ARHGAP24: variants seen among roughly 807,000 people sequenced by gnomAD.
ARHGAP24 encodes the protein Rho GTPase activating protein 24.
A neutral mutation model predicts 76.4 loss-of-function variants in ARHGAP24; 50 were observed. That is an observed-to-expected ratio of 0.65 (90% CI 0.52 to 0.83). The LOEUF is 0.83. ARHGAP24 is among the 40% of genes least tolerant of loss of function. ARHGAP24 has a pLI of 0.00. For missense variants in ARHGAP24, 930 were observed against 914.2 expected (o/e 1.02, Z -0.22); for synonymous variants, 345 against 323.3 (o/e 1.07, Z -0.72).
At chr4:85,865,887 G>T (rs1451397916) in intron 3 of ARHGAP24, among the ~76,000 whole-genome samples, 1 of 151,874 alleles carries the variant, frequency 6.6e-6, no homozygotes, top group Non-Finnish European at 1.5e-5. Context: ...TAGTTCTACA[G>T]ATTTTAGGCA....
chr4:85,735,315 C>A (rs982444845), intron 3 of ARHGAP24, among the ~76,000 whole-genome samples: 1 of 152,172 alleles, frequency 6.6e-6, no homozygotes, highest in Non-Finnish European at 1.5e-5. Context: ...CAGCACCTCA[C>A]GTGTTTTGCT....
At chr4:85,721,694 C>T (rs1724945543) in intron 2 of ARHGAP24, among the ~76,000 whole-genome samples, 191 bp from the exon 3 acceptor site, 1 of 152,114 alleles carries the variant, frequency 6.6e-6, no homozygotes. Flanking sequence ...AGATGCTCAA[C>T]AAGTATTCGT....
intron 1 of ARHGAP24, among the ~76,000 whole-genome samples, chr4:85,566,631 T>C (rs778742396): frequency 7.2e-5 from 11 of 152,348 alleles, no homozygotes; most frequent in Middle Eastern, 6.8e-3. Context: ...AACAGGTTTA[T>C]TGAGTACCAG....
chr4:85,738,913 GT>G (rs1725706052), intron 3 of ARHGAP24, among the ~76,000 whole-genome samples: 1 of 152,124 alleles, frequency 6.6e-6, no homozygotes, highest in African/African-American at 2.4e-5. Context: ...GACCAGGCAT[GT>G]TTCTTAAAAA....
intron 3 of ARHGAP24, among the ~76,000 whole-genome samples, chr4:85,766,843 T>C (rs1158962484): frequency 6.6e-6 from 1 of 152,166 alleles, no homozygotes; most frequent in Non-Finnish European, 1.5e-5. Flanking sequence ...ACTCTCACAA[T>C]TTTAATATTT....
chr4:85,839,950 A>C (rs1265658814), intron 3 of ARHGAP24, among the ~76,000 whole-genome samples: 2 of 147,544 alleles, frequency 1.4e-5, no homozygotes, highest in Non-Finnish European at 3.0e-5. Flanking sequence ...CCCGGGTTCA[A>C]GCGATTCTCC....
intron 3 of ARHGAP24, among the ~76,000 whole-genome samples, chr4:85,895,354 A>G (rs1734116302): frequency 6.6e-6 from 1 of 152,124 alleles, no homozygotes; most frequent in South Asian, 2.1e-4. Flanking sequence ...GGCTCAGTCT[A>G]TGGAAATTTA....
chr4:85,701,069 C>T (rs1038018087), intron 2 of ARHGAP24, among the ~76,000 whole-genome samples: 1 of 151,928 alleles, frequency 6.6e-6, no homozygotes, highest in Non-Finnish European at 1.5e-5. Flanking sequence ...TTGGGTATTT[C>T]ATTAGTCTCT....
At chr4:85,855,225 C>G (rs1401481422) in intron 3 of ARHGAP24, among the ~76,000 whole-genome samples, 2 of 152,116 alleles carry the variant, frequency 1.3e-5, no homozygotes, top group Non-Finnish European at 2.9e-5. Flanking sequence ...AGTCAGAGAC[C>G]CTGAGCAAAA....
intron 2 of ARHGAP24, among the ~76,000 whole-genome samples, chr4:85,618,621 C>T (rs1384403499): frequency 6.6e-6 from 1 of 152,018 alleles, no homozygotes; most frequent in Non-Finnish European, 1.5e-5. Flanking sequence ...CCTTTTTCTT[C>T]ACATCCTCAC....
chr4:85,625,376 G>A (rs1720905355), intron 2 of ARHGAP24, among the ~76,000 whole-genome samples: 1 of 152,144 alleles, frequency 6.6e-6, no homozygotes, highest in Non-Finnish European at 1.5e-5. Context: ...ATGTAGTTGA[G>A]CGGTTTTGAG....
rs139921677 is a variant in ARHGAP24 at position 85,611,951 on chromosome 4, A to G, written c.180+41230A>G. Among the ~76,000 whole-genome samples the G allele has an allele frequency of 3.7e-3, 568 of 152,218 alleles. 4 individuals are homozygous for G. Among genetic ancestry groups the G allele is most frequent in the African/African-American group, 0.013 (531 of 41,528 alleles). ...CAGGTTCTGTATAGTACCAGTGGGTATGTTGTAATTGACTGCATGCACTGG... is the reference window on the plus strand; with the variant it reads ...CAGGTTCTGTATAGTACCAGTGGGTGTGTTGTAATTGACTGCATGCACTGG... On this transcript the variant is annotated intron_variant, in intron 2 of 9. Coordinates refer to ENST00000395184, the MANE Select transcript of ARHGAP24 (RefSeq NM_001025616.3).
chr4:85,479,166 T>C (rs1423375247), intron 1 of ARHGAP24, among the ~76,000 whole-genome samples: 1 of 152,226 alleles, frequency 6.6e-6, no homozygotes, highest in Non-Finnish European at 1.5e-5. Flanking sequence ...ATTTTCCAAA[T>C]ATAACAATGC....
Position 86,001,761 on chromosome 4 carries a change from A to AT in ARHGAP24, c.*1046dup, listed in dbSNP as rs549555087. The AT allele has an allele frequency of 1.1e-3, 259 of 229,786 alleles. No homozygotes were observed. Among genetic ancestry groups the AT allele is most frequent in the African/African-American group, 5.3e-3 (237 of 44,594 alleles). 14.2% of individuals were successfully genotyped at this position (229,786 alleles called of 1,614,324 possible). A position where few individuals can be genotyped will look rare whatever the true frequency, so the allele number is the denominator to read the frequency against. On this transcript the variant is annotated 3_prime_UTR_variant, in exon 10 of 10. Transcript: ENST00000395184. ...GCTAGAGTATATGTCACGTAGTGAC[A>AT]TTTTTTTCTCACTCAGGCTATTGCC...
At position 85,977,597 on chromosome 4, in the gene ARHGAP24, G is replaced by A. The variant is rs201043486; in HGVS notation, c.834G>A (p.Ser278=). 52 of 1,613,632 alleles carry A rather than the reference G, an allele frequency of 3.2e-5. No homozygotes were observed. The Admixed American group carries it at 5.3e-4, about 17-fold the overall frequency. The change falls in exon 8 of 10, where the codon TCG becomes TCA. Residue 278 remains serine, a synonymous_variant. Coordinates refer to ENST00000395184, the MANE Select transcript of ARHGAP24 (RefSeq NM_001025616.3). ...TCTTGGATGAAGTACAGTCCTACTC[G>A]GGAGTTAACAAAATGAGTGTGCAGA... ...CRFLDEVQSY[S]GVNKMSVQNL... is the part of the protein sequence containing the mutation.
chr4:85,755,443 G>A (rs72656285), intron 3 of ARHGAP24, among the ~76,000 whole-genome samples: 33,637 of 151,676 alleles, frequency 0.22, 4,104 homozygotes, highest in East Asian at 0.37. Context: ...CATGAGTGTC[G>A]CAACACATCA....
At chr4:85,982,506 A>ACC (rs1438775909) in intron 8 of ARHGAP24, among the ~76,000 whole-genome samples, 1 of 152,026 alleles carries the variant, frequency 6.6e-6, no homozygotes, top group Non-Finnish European at 1.5e-5. Flanking sequence ...GTTTCATTTA[A>ACC]CCCAGGATCA....
chr4:85,977,808 G>T, intron 8 of ARHGAP24, 117 bp downstream of exon 8: 5 of 1,200,056 alleles, frequency 4.2e-6, no homozygotes, highest in East Asian at 2.6e-5. Flanking sequence ...TGGCAACTCC[G>T]TTTATTAACT....
intron 3 of ARHGAP24, among the ~76,000 whole-genome samples, chr4:85,889,359 T>C (rs1733751872): frequency 6.6e-6 from 1 of 152,166 alleles, no homozygotes; most frequent in Admixed American, 6.5e-5. Context: ...GCAGACAAAT[T>C]GTAAATTTAT....
Sources: allele counts gnomAD v4.1 joint callset (sites outside exome capture counted in the v4.1 genomes callset), GRCh38; gene constraint gnomAD v4.1.1; transcripts MANE v1.5; gene names NCBI Gene and HGNC (gene_info 2026-07-23, HGNC 2026-07-21).